Variants in ARHGEF7 observed in about 807,000 individuals in gnomAD.
ARHGEF7 encodes PAK-interacting exchange factor beta.
In ARHGEF7, 33 loss-of-function variants were observed where a neutral mutation model predicts 109.8. The ratio of observed to expected loss-of-function variants is 0.30; its 90% CI spans 0.23 to 0.40. The LOEUF (loss-of-function observed/expected upper bound fraction) is 0.40. ARHGEF7 is among the 10% of genes least tolerant of loss of function. The pLI is 1.00. For synonymous variants in ARHGEF7, 458 were observed against 424.6 expected (o/e 1.08, Z -0.97); for missense variants, 938 against 1,098.5 (o/e 0.85, Z 2.07).
chr13:111,161,742 A>AT (rs35550441), intron 2 of ARHGEF7, among the ~76,000 whole-genome samples: 25,492 of 150,782 alleles, frequency 0.17, 2,461 homozygotes, highest in South Asian at 0.23. Context: ...TTTTTTGGTA[A>AT]TTTTTTTTTT....
chr13:111,170,498 T>C (rs553813369), intron 2 of ARHGEF7, among the ~76,000 whole-genome samples: 68 of 152,354 alleles, frequency 4.5e-4, no homozygotes, highest in African/African-American at 1.6e-3. Context: ...TTATTTTATC[T>C]CTTATGTAGG....
intron 2 of ARHGEF7, among the ~76,000 whole-genome samples, chr13:111,189,288 G>A (rs1393100939): frequency 1.3e-5 from 2 of 152,184 alleles, no homozygotes; most frequent in African/African-American, 2.4e-5. Context: ...CCCTCGCGGC[G>A]AGTGTTACAG....
chr13:111,282,107 C>G (rs981523319), intron 15 of ARHGEF7, among the ~76,000 whole-genome samples: 5 of 152,202 alleles, frequency 3.3e-5, no homozygotes, highest in African/African-American at 9.7e-5. Flanking sequence ...ACCTGCATCT[C>G]ACACAATTCC....
chr13:111,162,087 C>G (rs114132521), intron 2 of ARHGEF7, among the ~76,000 whole-genome samples: 1,534 of 152,312 alleles, frequency 0.01, 25 homozygotes, highest in African/African-American at 0.035. Flanking sequence ...GCTTTGAACA[C>G]CTGCTACCAT....
At chr13:111,144,448 T>C (rs2075491292) in intron 1 of ARHGEF7, 1 of 152,256 alleles carries the variant, frequency 6.6e-6, no homozygotes, top group Non-Finnish European at 1.5e-5. Flanking sequence ...CCAATGGATT[T>C]GGAGGAAGAG....
chr13:111,258,959 G>A lies in ARHGEF7; in HGVS notation c.951-8589G>A, dbSNP rs1216137602. Among the ~76,000 whole-genome samples the A allele has an allele frequency of 6.6e-6, 1 of 151,986 alleles. No homozygotes were observed. The highest frequency in any genetic ancestry group is 2.4e-5 in the African/African-American group (1 of 41,372). On this transcript the variant is annotated intron_variant, in intron 8 of 21. Coordinates refer to ENST00000646102, the MANE Select transcript of ARHGEF7 (RefSeq NM_001354046.2). This position sits in a 1 kb window ranked among gnomAD's most constrained non-coding sequence, Gnocchi z 4.4. ...AACAGGCAGTACTTGCTGCAGGCCC[G>A]GTGGTGGCTACAGGGAGAGGTTTCC...
intron 15 of ARHGEF7, 159 bp downstream of exon 15, chr13:111,280,836 G>T (rs531389559): frequency 3.8e-6 from 3 of 795,582 alleles, no homozygotes; most frequent in East Asian, 5.6e-5. Flanking sequence ...GGCCCTCTTC[G>T]TGCAGTAGTG....
rs377731619 is a variant in ARHGEF7 at position 111,254,471 on chromosome 13, A to G, written c.950+10177A>G. Among the ~76,000 whole-genome samples, 727 of 126,386 alleles carry G rather than the reference A, an allele frequency of 5.8e-3. 110 individuals carry two copies. Among genetic ancestry groups the G allele is most frequent in the African/African-American group, 0.017 (542 of 31,614 alleles). 82.9% of individuals were successfully genotyped at this position (126,386 alleles called of 152,430 possible). On this transcript the variant is annotated intron_variant, in intron 8 of 21. Coordinates refer to ENST00000646102, the MANE Select transcript of ARHGEF7 (RefSeq NM_001354046.2). ...CGGGCTAAGGCGCTGAGTCGCTAACATGAAGGCCGGCCTCAGAAGAGGATT... is the reference window on the plus strand; with the variant it reads ...CGGGCTAAGGCGCTGAGTCGCTAACGTGAAGGCCGGCCTCAGAAGAGGATT...
intron 15 of ARHGEF7, chr13:111,281,181 C>CTTTTTTGTTTTTTTTT (rs2092756759): frequency 1.7e-5 from 1 of 59,422 alleles, no homozygotes; most frequent in African/African-American, 6.3e-5. Context: ...TATTTAGAGA[C>CTTTTTTGTTTTTTTTT]TTTTTTTTTT....
chr13:111,165,318 A>G (rs1891958), intron 2 of ARHGEF7, among the ~76,000 whole-genome samples: 129,232 of 152,168 alleles, frequency 0.85, 55,242 homozygotes, highest in South Asian at 0.94. Context: ...CCCTTAGTAG[A>G]TGTTCATGCC....
At chr13:111,192,024 C>T (rs965660189) in intron 2 of ARHGEF7, among the ~76,000 whole-genome samples, 4 of 152,120 alleles carry the variant, frequency 2.6e-5, no homozygotes, top group Non-Finnish European at 5.9e-5. Context: ...TTTCACTTAT[C>T]TTTTTTAAGG....
intron 1 of ARHGEF7, among the ~76,000 whole-genome samples, chr13:111,116,877 G>T (rs1156968172): frequency 1.3e-5 from 2 of 152,080 alleles, no homozygotes; most frequent in Admixed American, 1.3e-4. Flanking sequence ...TTTCTTACTT[G>T]GAACATCTTT....
In ARHGEF7 at chr13:111,258,316, C is replaced by T. The variant is rs2090681675; in HGVS notation, c.951-9232C>T. Among the ~76,000 whole-genome samples the T allele has an allele frequency of 6.6e-6, 1 of 152,232 alleles. No homozygotes were observed. The highest frequency in any genetic ancestry group is 1.5e-5 in the Non-Finnish European group (1 of 68,046). On this transcript the variant is annotated intron_variant, in intron 8 of 21. Coordinates refer to ENST00000646102, the MANE Select transcript of ARHGEF7 (RefSeq NM_001354046.2). The surrounding 1 kb of genome is among the most constrained non-coding windows in gnomAD (Gnocchi z 4.4). ...GTGAGACTCCTCCCACAACCACAGG[C>T]AGTGCAGCCTGCACCTCCAGGAGAG...
intron 8 of ARHGEF7, among the ~76,000 whole-genome samples, chr13:111,259,704 G>T (rs1177381655): frequency 2.0e-5 from 3 of 152,114 alleles, no homozygotes; most frequent in Non-Finnish European, 4.4e-5. Context: ...GCTCTTCAAC[G>T]CCCAGTGCCC....
At chr13:111,249,077 C>G (rs905436088) in intron 8 of ARHGEF7, among the ~76,000 whole-genome samples, 1 of 152,146 alleles carries the variant, frequency 6.6e-6, no homozygotes, top group Non-Finnish European at 1.5e-5. Context: ...TGCCGTCAGC[C>G]AGAGATTTGG....
At position 111,266,927 on chromosome 13, in the gene ARHGEF7, G is replaced by A. The variant is rs185427695; in HGVS notation, c.951-621G>A. 1.1e-5 allele frequency: 5 copies of A among 455,838 alleles called. No individual in the cohort carries two copies. The highest frequency in any genetic ancestry group is 1.4e-4 in the East Asian group (2 of 14,376). 28.2% of individuals were successfully genotyped at this position (455,838 alleles called of 1,614,324 possible). ...CGTTAGGCACACCCAACACTGAGGC[G>A]GCACCACCAGGGGCCCTGATGCCCA... On this transcript the variant is annotated intron_variant, in intron 8 of 21. Coordinates refer to ENST00000646102, the MANE Select transcript of ARHGEF7 (RefSeq NM_001354046.2). The surrounding 1 kb of genome is among the most constrained non-coding windows in gnomAD (Gnocchi z 4.8).
At chr13:111,170,674 C>T (rs918212753) in intron 2 of ARHGEF7, among the ~76,000 whole-genome samples, 2 of 152,110 alleles carry the variant, frequency 1.3e-5, no homozygotes, top group Non-Finnish European at 2.9e-5. Flanking sequence ...CTAGAAGGTT[C>T]CTTGTTGGGA....
chr13:111,212,969 CA>C, intron 4 of ARHGEF7, among the ~76,000 whole-genome samples: 4 of 152,154 alleles, frequency 2.6e-5, no homozygotes, highest in Admixed American at 2.6e-4. Context: ...AAGATCACAG[CA>C]CTCAGAAATA....
intron 8 of ARHGEF7, among the ~76,000 whole-genome samples, chr13:111,248,987 C>T (rs924466060): frequency 6.6e-6 from 1 of 152,186 alleles, no homozygotes; most frequent in Non-Finnish European, 1.5e-5. Context: ...ATTGCCAACT[C>T]TCCCTTTGGC....
Sources: gnomAD v4.1 joint callset for allele counts (sites outside exome capture counted in the v4.1 genomes callset) on GRCh38, gnomAD v4.1.1 for gene constraint, Gnocchi (gnomAD v3.1) non-coding constraint, MANE v1.5 for transcripts, NCBI Gene and HGNC (gene_info 2026-07-23, HGNC 2026-07-21) for gene names.